SYNE1: variants seen among roughly 807,000 people sequenced by gnomAD.
SYNE1 encodes the protein spectrin repeat containing nuclear envelope protein 1, also known as nesprin-1.
A neutral mutation model predicts 1,111.0 loss-of-function variants in SYNE1; 616 were observed. The ratio of observed to expected loss-of-function variants is 0.55; its 90% CI spans 0.52 to 0.59. The LOEUF is 0.59. Among genes scored for constraint, SYNE1 ranks in the 20% least tolerant of loss-of-function variants. The pLI is 0.00. For missense variants in SYNE1, 10,006 were observed against 10,417.0 expected, an observed-to-expected ratio of 0.96 and a Z score of 1.72; for synonymous variants, 3,855 against 3,825.8, an observed-to-expected ratio of 1.01 and a Z score of -0.28.
At chr6:152,321,416 T>C (rs892196981) in intron 83 of SYNE1, 26 bp from the exon 84 acceptor site, 1 of 1,612,306 alleles carries the variant, frequency 6.2e-7, no homozygotes, top group Non-Finnish European at 8.5e-7. Context: ...AAATAAGAAA[T>C]TTCTGGGAAC....
intron 73 of SYNE1, among the ~76,000 whole-genome samples, chr6:152,346,222 A>G (rs902091275): frequency 3.3e-5 from 5 of 152,100 alleles, no homozygotes; most frequent in Non-Finnish European, 7.3e-5. Context: ...GCTGGAGTGC[A>G]GTGGCGCGAT....
At chr6:152,151,462 A>T in intron 135 of SYNE1, 91 bp downstream of exon 135, 1 of 1,530,592 alleles carries the variant, frequency 6.5e-7, no homozygotes, top group Non-Finnish European at 8.8e-7. Flanking sequence ...TTCAAAAGAA[A>T]AGTTATTTGC....
rs144910464 is a variant in SYNE1, at chr6:152,398,661, G to T, written c.7308C>A (p.Thr2436=). 1.2e-6 allele frequency: 2 copies of T among 1,613,922 alleles called. No homozygotes were observed. The highest frequency in any genetic ancestry group is 2.2e-5 in the South Asian group (2 of 91,080). Residue 2436 remains threonine, a synonymous_variant, in exon 49 of 146, where the codon ACC becomes ACA. Coordinates refer to ENST00000367255, the MANE Select transcript of SYNE1 (RefSeq NM_182961.4). ...TTGCTTCTAGAACTTTGCTGTCACCGGTGCGATCTGATGATTCTTTTGCTG... is the reference window on the plus strand; with the variant it reads ...TTGCTTCTAGAACTTTGCTGTCACCTGTGCGATCTGATGATTCTTTTGCTG... ...KAAAKESSDR[T]GDSKVLEAKL... is the part of the protein sequence containing the mutation.
rs369734218 is a variant in SYNE1 at position 152,329,662 on chromosome 6, G to A, written c.14955+68C>T. ...AAGAAGCAATTATAACCAAGCAAAC[G>A]AATTTCTTGTACCTGTTTACAAATA... On this transcript the variant is annotated intron_variant, in intron 78 of 145. Transcript: ENST00000367255. 493 of 1,606,608 alleles carry A rather than the reference G, an allele frequency of 3.1e-4. No homozygotes were observed. The African/African-American group carries it at 4.0e-3, about 13-fold the overall frequency.
chr6:152,296,361 T>C (rs929538956), intron 93 of SYNE1, among the ~76,000 whole-genome samples: 22 of 152,224 alleles, frequency 1.4e-4, no homozygotes, highest in African/African-American at 5.3e-4. Context: ...CATATCCAGA[T>C]GTTCATGCAT....
At chr6:152,557,183 C>A (rs1004794924) in intron 3 of SYNE1, among the ~76,000 whole-genome samples, 2 of 151,930 alleles carry the variant, frequency 1.3e-5, no homozygotes, top group African/African-American at 4.8e-5. Flanking sequence ...ATTGCATAGA[C>A]AGCTTCGACA....
Position 152,135,116 on chromosome 6 carries a change from G to A in SYNE1, c.25776C>T (p.His8592=). 1 of 1,614,140 alleles carries A rather than the reference G, an allele frequency of 6.2e-7. No individual in the cohort carries two copies. The highest frequency in any genetic ancestry group is 1.1e-5 in the South Asian group (1 of 91,082). The change falls in exon 142 of 146, where the codon CAC becomes CAT. Residue 8592 remains histidine, a synonymous_variant. Transcript: ENST00000367255. ...NLDAEILQDH[H]KQLMQIKHEL... Reference sequence around the variant, plus strand: ...TCACACATCTTACCATAAGCTGTTTGTGATGGTCCTGAAGTATCTCTGCAT... The same window carrying A: ...TCACACATCTTACCATAAGCTGTTTATGATGGTCCTGAAGTATCTCTGCAT...
rs2085099933 is a variant in SYNE1 at position 152,239,722 on chromosome 6, A to G, written c.19894-16T>C. 6.2e-7 allele frequency: 1 copy of G among 1,613,998 alleles called. No homozygotes were observed. Among genetic ancestry groups the G allele is most frequent in the African/African-American group, 1.3e-5 (1 of 74,934 alleles). On this transcript the variant is annotated splice_polypyrimidine_tract_variant and intron_variant, in intron 107 of 145. Coordinates refer to ENST00000367255, the MANE Select transcript of SYNE1 (RefSeq NM_182961.4). ...GAAAGTATTCCTGCAATTTTTCAGG[A>G]AGAAAGAAGTCAGCAACTCATTCAT...
At chr6:152,190,548 A>T (rs1245153877) in intron 127 of SYNE1, among the ~76,000 whole-genome samples, 1 of 152,234 alleles carries the variant, frequency 6.6e-6, no homozygotes, top group Non-Finnish European at 1.5e-5. Context: ...TATGGTATTC[A>T]TCACCTGAAG....
intron 3 of SYNE1, among the ~76,000 whole-genome samples, chr6:152,568,205 CAACATATTATA>C (rs1377998348): frequency 2.0e-5 from 3 of 150,152 alleles, no homozygotes; most frequent in Non-Finnish European, 3.0e-5. Flanking sequence ...AATACATATC[CAACATATTATA>C]AACATAAAGG....
intron 22 of SYNE1, 52 bp from the exon 23 acceptor site, chr6:152,456,096 GAGAA>G: frequency 6.4e-7 from 1 of 1,572,572 alleles, no homozygotes; most frequent in Non-Finnish European, 8.7e-7. Flanking sequence ...CAGAGTGAGA[GAGAA>G]AGAAAGAGAG....
At chr6:152,295,260 TTTG>T (rs911727149) in intron 93 of SYNE1, among the ~76,000 whole-genome samples, 33 of 152,326 alleles carry the variant, frequency 2.2e-4, no homozygotes, top group Middle Eastern at 3.4e-3. Context: ...TTCTACCCAT[TTTG>T]TTGTTGTTCC....
chr6:152,293,787 C>T lies in SYNE1; in HGVS notation c.17851-38G>A, dbSNP rs773910634. The stretch of plus-strand genomic sequence containing the variant: ...AGGGATATTACCAAATGCTTCCCAG[C>T]CCCTTATCTTTCAGATTACAACATT... On this transcript the variant is annotated intron_variant, in intron 94 of 145. Transcript: ENST00000367255. 13 of 1,613,508 alleles carry T rather than the reference C, an allele frequency of 8.1e-6. No individual in the cohort carries two copies. The Admixed American group carries it at 2.0e-4, about 25-fold the overall frequency.
intron 97 of SYNE1, among the ~76,000 whole-genome samples, chr6:152,278,499 G>A (rs1408333737): frequency 6.6e-6 from 1 of 151,552 alleles, no homozygotes; most frequent in African/African-American, 2.4e-5. Context: ...ATCTCACTCT[G>A]TCGCCCAGGC....
rs60234184 is a variant in SYNE1, at chr6:152,268,456, C to G, written c.18706-291G>C. 6.7e-4 allele frequency among the ~76,000 whole-genome samples: 100 copies of G among 149,618 alleles called. 1 individual carries two copies. The highest frequency in any genetic ancestry group is 2.3e-3 in the African/African-American group (95 of 40,744). ...CGGGCAATAGTGCCCTCAAGTGGTA[C>G]AAAATGTACTCTCATTTTTCAAAAT... On this transcript the variant is annotated intron_variant, in intron 99 of 145. Coordinates refer to ENST00000367255, the MANE Select transcript of SYNE1 (RefSeq NM_182961.4).
At chr6:152,578,259 C>T (rs1366960617) in intron 3 of SYNE1, among the ~76,000 whole-genome samples, 2 of 152,088 alleles carry the variant, frequency 1.3e-5, no homozygotes, top group Admixed American at 6.5e-5. Flanking sequence ...CCCGGTCTGC[C>T]CCAATGTTAA....
At chr6:152,135,376 T>C in intron 141 of SYNE1, 144 bp from the exon 142 acceptor site, 2 of 879,716 alleles carry the variant, frequency 2.3e-6, no homozygotes, top group South Asian at 3.2e-5. Flanking sequence ...GCACTGGTGC[T>C]GTTGTAATGA....
intron 8 of SYNE1, among the ~76,000 whole-genome samples, chr6:152,509,026 G>A (rs950465889): frequency 6.6e-6 from 1 of 151,820 alleles, no homozygotes; most frequent in African/African-American, 2.4e-5. Context: ...TTTTCCAGAA[G>A]TAGAGAATCA....
intron 124 of SYNE1, among the ~76,000 whole-genome samples, chr6:152,208,551 C>T (rs2076945750): frequency 1.3e-5 from 2 of 152,150 alleles, no homozygotes; most frequent in African/African-American, 2.4e-5. Flanking sequence ...TCCTAAGCAG[C>T]TCCATAGCAA....
Sources: gnomAD v4.1 joint callset for allele counts (sites outside exome capture counted in the v4.1 genomes callset) on GRCh38, gnomAD v4.1.1 for gene constraint, MANE v1.5 for transcripts, NCBI Gene and HGNC (gene_info 2026-07-23, HGNC 2026-07-21) for gene names.